Variants in ITGA3 observed in about 807,000 individuals in gnomAD.
The protein encoded by ITGA3 is integrin alpha-3.
In ITGA3, 70 loss-of-function variants were observed where a neutral mutation model predicts 131.1. The ratio of observed to expected loss-of-function variants is 0.53; its 90% CI spans 0.44 to 0.65. ITGA3 has a LOEUF of 0.65. ITGA3 is among the 30% of genes least tolerant of loss of function. The pLI is 0.00. For missense variants in ITGA3, 1,098 were observed against 1,388.6 expected, an observed-to-expected ratio of 0.79 and a Z score of 3.33; for synonymous variants, 537 against 571.6, an observed-to-expected ratio of 0.94 and a Z score of 0.86.
At chr17:50,084,135 G>A (rs938472755) in intron 23 of ITGA3, among the ~76,000 whole-genome samples, 9 of 147,262 alleles carry the variant, frequency 6.1e-5, no homozygotes, top group Non-Finnish European at 1.2e-4. Flanking sequence ...TCAGGAGGCT[G>A]AGGCAGAAGA....
At position 50,089,319 on chromosome 17, in the gene ITGA3, A is replaced by T; in HGVS notation, c.*241A>T. 3 of 1,500,776 alleles carry T rather than the reference A, an allele frequency of 2.0e-6. No individual in the cohort carries two copies. Among genetic ancestry groups the T allele is most frequent in the Non-Finnish European group, 2.7e-6 (3 of 1,094,546 alleles). The allele number at this position is 1,500,776 out of a possible 1,614,324, so 93.0% of individuals were successfully genotyped here. On this transcript the variant is annotated 3_prime_UTR_variant, in exon 26 of 26. Transcript: ENST00000320031. ...CCCAGTGTCCCCTTTCTTCCTATTT[A>T]TCATAAGTTATGCCTCTGACAGTCC... is the stretch of plus-strand genomic sequence containing the variant.
intron 23 of ITGA3, among the ~76,000 whole-genome samples, chr17:50,081,748 G>T (rs958146830): frequency 6.6e-6 from 1 of 152,192 alleles, no homozygotes; most frequent in Non-Finnish European, 1.5e-5. Context: ...AGAGGCTGAG[G>T]CCTAGAGAGA....
chr17:50,088,075 A>G, intron 24 of ITGA3, 150 bp from the exon 25 acceptor site: 1 of 1,253,910 alleles, frequency 8.0e-7, no homozygotes, highest in Non-Finnish European at 1.1e-6. Flanking sequence ...AGGGGGACCC[A>G]GGAGCTCTGG....
chr17:50,083,743 A>T (rs1909275338), intron 23 of ITGA3, among the ~76,000 whole-genome samples: 1 of 151,642 alleles, frequency 6.6e-6, no homozygotes, highest in Non-Finnish European at 1.5e-5. Context: ...AAAAAAAGAA[A>T]CTAAATGGGC....
chr17:50,078,621 C>G (rs1161683996), intron 18 of ITGA3, among the ~76,000 whole-genome samples: 1 of 152,134 alleles, frequency 6.6e-6, no homozygotes, highest in East Asian at 1.9e-4. Flanking sequence ...ATGATTAAGT[C>G]CATTTTACAG....
Position 50,068,274 on chromosome 17 carries a change from C to T in ITGA3, c.633C>T (p.Tyr211=), listed in dbSNP as rs979746564. 4.3e-6 allele frequency: 7 copies of T among 1,613,520 alleles called. No homozygotes were observed. The African/African-American group carries it at 5.3e-5, about 12-fold the overall frequency. ...TSGGFTQNTV[Y]FGAPGAYNWK... is the part of the protein sequence containing the mutation. ...GTGGCTTCACCCAGAACACTGTGTACTTCGGCGCCCCCGGTGCCTACAACT... is the reference window on the plus strand; with the variant it reads ...GTGGCTTCACCCAGAACACTGTGTATTTCGGCGCCCCCGGTGCCTACAACT... The change falls in exon 4 of 26, where the codon TAC becomes TAT. Residue 211 remains tyrosine (Y), a synonymous_variant. Transcript: ENST00000320031.
rs1231271688 is a variant in ITGA3 at position 50,056,239 on chromosome 17, C to T, written c.-201C>T. The T allele has an allele frequency of 2.4e-5, 11 of 467,236 alleles. No individual in the cohort carries two copies. In the South Asian group the frequency reaches 2.5e-4, roughly 11 times the overall value. The allele number at this position is 467,236 out of a possible 1,614,324, so 28.9% of individuals were successfully genotyped here. ...CCGCTGGGGAGGCAGGAAGATAGAC[C>T]CACGGATCTTAGGAAGGGATCCGAG... On this transcript the variant is annotated 5_prime_UTR_variant, in exon 1 of 26. Transcript: ENST00000320031. This position sits in a 1 kb window ranked among gnomAD's most constrained non-coding sequence, Gnocchi z 5.6.
In ITGA3 at chr17:50,077,433, A is replaced by G. The variant is rs758989637; in HGVS notation, c.2125A>G (p.Lys709Glu). Residue 709 changes from lysine (K) to glutamate (E), a missense_variant, in exon 16 of 26, where the codon AAA becomes GAA. By Grantham distance (56) the Lys-to-Glu change is moderately conservative. Transcript: ENST00000320031. ...TIFCELGNPF[K>E]RNQRMELLIA... ...CTTTTGCGAGCTGGGGAACCCCTTC[A>G]AACGGAACCAGAGGGTGAGCACCGG... is the stretch of plus-strand genomic sequence containing the variant. The G allele has an allele frequency of 6.2e-7, 1 of 1,613,774 alleles. No homozygotes were observed. The highest frequency in any genetic ancestry group is 8.5e-7 in the Non-Finnish European group (1 of 1,179,724).
In ITGA3 at chr17:50,089,359, C is replaced by A. The variant is rs540108856; in HGVS notation, c.*281C>A. The A allele has an allele frequency of 5.4e-6, 6 of 1,103,758 alleles. No homozygotes were observed. Among genetic ancestry groups the A allele is most frequent in the African/African-American group, 1.6e-5 (1 of 64,032 alleles). The allele number at this position is 1,103,758 out of a possible 1,614,324, so 68.4% of individuals were successfully genotyped here. A position where few individuals can be genotyped will look rare whatever the true frequency, so the allele number is the denominator to read the frequency against. The stretch of plus-strand genomic sequence containing the variant: ...TCTGACAGTCCACAGGGGCCACCAC[C>A]TTTGGCTGGTAGCAGCAGGCTCAGG... On this transcript the variant is annotated 3_prime_UTR_variant, in exon 26 of 26. Coordinates refer to ENST00000320031, the MANE Select transcript of ITGA3 (RefSeq NM_002204.4).
rs746318674 is a variant in ITGA3, at chr17:50,077,077, A to G, written c.2026A>G (p.Thr676Ala). The change falls in exon 15 of 26, where the codon ACC becomes GCC. Residue 676 changes from threonine to alanine, a missense_variant. Physicochemically the swap from Thr to Ala is moderately conservative, Grantham distance 58. Coordinates refer to ENST00000320031, the MANE Select transcript of ITGA3 (RefSeq NM_002204.4). ...SGEDAHEALL[T>A]LVVPPALLLS... ...GGAGGACGCCCACGAGGCGCTGCTC[A>G]CCCTGGTGGTGCCTCCCGCCCTGCT... 2.5e-6 allele frequency: 4 copies of G among 1,589,338 alleles called. No individual in the cohort carries two copies. Among genetic ancestry groups the G allele is most frequent in the Non-Finnish European group, 8.6e-7 (1 of 1,165,942 alleles).
At chr17:50,087,928 C>A in intron 24 of ITGA3, 59 bp downstream of exon 24, 1 of 1,495,298 alleles carries the variant, frequency 6.7e-7, no homozygotes, top group South Asian at 1.3e-5. Context: ...ACCAGCCCTT[C>A]CTCCAACCCA....
At chr17:50,071,218 TG>T (rs758093831) in intron 5 of ITGA3, 92 bp from the exon 6 acceptor site, 4 of 1,132,092 alleles carry the variant, frequency 3.5e-6, no homozygotes, top group Admixed American at 2.0e-5. Context: ...AACATCATGG[TG>T]GGGGGCAAGA....
intron 1 of ITGA3, among the ~76,000 whole-genome samples, chr17:50,057,574 C>T (rs2144250309): frequency 6.6e-6 from 1 of 152,270 alleles, no homozygotes; most frequent in East Asian, 1.9e-4. Flanking sequence ...TCAGAGCGCG[C>T]GGAGGTTGGC....
chr17:50,073,992 A>G lies in ITGA3; in HGVS notation c.1233A>G (p.Arg411=). ...IYHSSSKGLL[R]QPQQVIHGEK... ...ACAGTAGCTCTAAGGGGCTCCTTAG[A>G]CAGCCCCAGCAGGTACAGAGAGACG... The change falls in exon 8 of 26, where the codon AGA becomes AGG. Residue 411 remains arginine (R), a synonymous_variant. Coordinates refer to ENST00000320031, the MANE Select transcript of ITGA3 (RefSeq NM_002204.4). 1 of 1,613,022 alleles carries G rather than the reference A, an allele frequency of 6.2e-7. No individual in the cohort carries two copies. The highest frequency in any genetic ancestry group is 8.5e-7 in the Non-Finnish European group (1 of 1,179,050).
chr17:50,056,497 G>C lies in ITGA3; in HGVS notation c.58G>C (p.Ala20Pro). The C allele has an allele frequency of 1.3e-6, 2 of 1,549,928 alleles. No homozygotes were observed. The highest frequency in any genetic ancestry group is 4.9e-5 in the East Asian group (2 of 40,896). ...CCCACGCCTGATGCTCTGTGCGCTC[G>C]CCTTGATGGTGGCGGCCGGCGGCTG... ...RAPRLMLCAL[A>P]LMVAAGGCVV... Residue 20 changes from alanine (A) to proline (P), a missense_variant, in exon 1 of 26, where the codon GCC (alanine) becomes CCC (proline). Physicochemically the swap from Ala to Pro is conservative, Grantham distance 27 (BLOSUM62 -1). Around this residue, in one of 3 missense-constraint regions of ITGA3, gnomAD observed 356 missense variants for 529.2 expected, o/e 0.67. Coordinates refer to ENST00000320031, the MANE Select transcript of ITGA3 (RefSeq NM_002204.4). The surrounding 1 kb of genome is among the most constrained non-coding windows in gnomAD (Gnocchi z 5.6).
intron 1 of ITGA3, among the ~76,000 whole-genome samples, chr17:50,062,359 C>T (rs920271138): frequency 1.3e-5 from 2 of 152,154 alleles, no homozygotes; most frequent in African/African-American, 2.4e-5. Flanking sequence ...GCTCCTTTCC[C>T]GCAGGCTGTG....
At chr17:50,075,825 G>A in intron 12 of ITGA3, 90 bp downstream of exon 12, 1 of 1,392,858 alleles carries the variant, frequency 7.2e-7, no homozygotes, top group Non-Finnish European at 1.0e-6. Flanking sequence ...AGGGACGGGG[G>A]TCTCCCCAGA....
chr17:50,059,903 C>G (rs1907996588), intron 1 of ITGA3, among the ~76,000 whole-genome samples: 1 of 152,064 alleles, frequency 6.6e-6, no homozygotes, highest in Non-Finnish European at 1.5e-5. Context: ...TTTTCCTGTC[C>G]TTTCTCATTC....
At chr17:50,068,664 G>T (rs907540550) in intron 4 of ITGA3, among the ~76,000 whole-genome samples, 74 of 151,832 alleles carry the variant, frequency 4.9e-4, no homozygotes, top group African/African-American at 1.7e-3. Context: ...ACTACACCTG[G>T]CTAATTTCTG....
Sources: gnomAD v4.1 joint callset for allele counts (sites outside exome capture counted in the v4.1 genomes callset) on GRCh38, gnomAD v4.1.1 for gene constraint, gnomAD v4.1.1 regional missense constraint, Gnocchi (gnomAD v3.1) non-coding constraint, MANE v1.5 for transcripts, NCBI Gene and HGNC (gene_info 2026-07-23, HGNC 2026-07-21) for gene names.